The following DNAH11 variants were observed in gnomAD, a reference collection of about 807,000 sequenced individuals.
DNAH11 encodes dynein axonemal heavy chain 11.
In DNAH11, 442 loss-of-function variants were observed where a neutral mutation model predicts 526.0. The observed-to-expected ratio is 0.84, with a 90% confidence interval of 0.78 to 0.91. The LOEUF (loss-of-function observed/expected upper bound fraction) is 0.91, where lower values mean the gene tolerates loss of function less well. Ranked by LOEUF, DNAH11 falls within the 40% of genes least tolerant of loss-of-function variation. The pLI is 0.00. For missense variants in DNAH11, 6,989 were observed against 5,448.7 expected (o/e 1.28, Z -8.90); for synonymous variants, 2,461 against 1,935.9 (o/e 1.27, Z -7.12).
intron 29 of DNAH11, among the ~76,000 whole-genome samples, chr7:21,657,880 C>G (rs917769027): frequency 2.0e-5 from 3 of 152,138 alleles, no homozygotes; most frequent in African/African-American, 7.2e-5. Flanking sequence ...TCACTCCATT[C>G]CAATTCTTCA....
At chr7:21,848,783 T>G (rs185783976) in intron 66 of DNAH11, among the ~76,000 whole-genome samples, 169 of 152,342 alleles carry the variant, frequency 1.1e-3, no homozygotes, top group Middle Eastern at 6.8e-3. Context: ...CAAAATAGAT[T>G]GCTATATGTA....
chr7:21,589,149 A>G (rs554364141), intron 11 of DNAH11, 59 bp from the exon 12 acceptor site: 1 of 1,311,314 alleles, frequency 7.6e-7, no homozygotes, highest in Non-Finnish European at 1.0e-6. Context: ...CTATACAATT[A>G]TTAAGCGGAA....
At chr7:21,702,006 C>G (rs1784083428) in intron 36 of DNAH11, among the ~76,000 whole-genome samples, 2 of 151,898 alleles carry the variant, frequency 1.3e-5, no homozygotes, top group African/African-American at 4.8e-5. Context: ...TGTGCTAGCC[C>G]CAAGAAGACA....
intron 54 of DNAH11, among the ~76,000 whole-genome samples, chr7:21,757,666 C>G (rs952463977): frequency 1.3e-5 from 2 of 152,150 alleles, no homozygotes; most frequent in Admixed American, 6.5e-5. Flanking sequence ...CACGTAGAGA[C>G]AGTAATTCAC....
chr7:21,672,487 G>T (rs1782680911), intron 30 of DNAH11, among the ~76,000 whole-genome samples: 1 of 152,118 alleles, frequency 6.6e-6, no homozygotes, highest in Non-Finnish European at 1.5e-5. Flanking sequence ...GGGTCTTGCT[G>T]TGTTGCCTAG....
At chr7:21,787,281 A>G in intron 59 of DNAH11, 120 bp from the exon 60 acceptor site, 2 of 902,632 alleles carry the variant, frequency 2.2e-6, no homozygotes, top group African/African-American at 1.7e-5. Context: ...AGTAGGATAA[A>G]TGCAGCTTGC....
intron 40 of DNAH11, among the ~76,000 whole-genome samples, chr7:21,710,238 A>G (rs769238604): frequency 6.6e-6 from 1 of 152,174 alleles, no homozygotes; most frequent in South Asian, 2.1e-4. Flanking sequence ...CAGTTGGTGT[A>G]AGTTTTGAGT....
intron 28 of DNAH11, among the ~76,000 whole-genome samples, chr7:21,655,078 C>T (rs994928650): frequency 1.3e-5 from 2 of 150,764 alleles, no homozygotes; most frequent in Non-Finnish European, 2.9e-5. Context: ...CCCCCCCCAC[C>T]CCCAAATTGT....
intron 74 of DNAH11, among the ~76,000 whole-genome samples, chr7:21,875,641 A>G (rs1257384540): frequency 6.6e-6 from 1 of 152,170 alleles, no homozygotes; most frequent in Non-Finnish European, 1.5e-5. Flanking sequence ...AGCCTGGGCA[A>G]CAGAGCGAGA....
At position 21,901,428 on chromosome 7, in the gene DNAH11, G is replaced by T; in HGVS notation, c.*174G>T. 1.1e-6 allele frequency: 1 copy of T among 913,248 alleles called. No individual in the cohort carries two copies. The highest frequency in any genetic ancestry group is 1.5e-6 in the Non-Finnish European group (1 of 671,940). The allele number at this position is 913,248 out of a possible 1,614,324, so 56.6% of individuals were successfully genotyped here. A position where few individuals can be genotyped will look rare whatever the true frequency, so the allele number is the denominator to read the frequency against. ...AAAAAAATACTAGAAACTAACTCAGGGCTGAGCGTGGTGGCACACGACTGT... is the reference window on the plus strand; with the variant it reads ...AAAAAAATACTAGAAACTAACTCAGTGCTGAGCGTGGTGGCACACGACTGT... On this transcript the variant is annotated 3_prime_UTR_variant, in exon 82 of 82. Coordinates refer to ENST00000409508, the MANE Select transcript of DNAH11 (RefSeq NM_001277115.2).
intron 20 of DNAH11, among the ~76,000 whole-genome samples, chr7:21,607,279 A>G (rs751451378): frequency 5.9e-5 from 9 of 152,124 alleles, no homozygotes; most frequent in Non-Finnish European, 5.9e-5. Context: ...GTCCTTCCAC[A>G]TTCCTCTGTC....
At chr7:21,558,769 T>C in intron 2 of DNAH11, 33 bp from the exon 3 acceptor site, 4 of 1,500,818 alleles carry the variant, frequency 2.7e-6, no homozygotes, top group Non-Finnish European at 3.6e-6. Flanking sequence ...GCATTGTCTG[T>C]AAATTAATTT....
At chr7:21,805,205 T>C (rs1215094168) in intron 62 of DNAH11, among the ~76,000 whole-genome samples, 3 of 152,206 alleles carry the variant, frequency 2.0e-5, no homozygotes, top group Admixed American at 1.3e-4. Context: ...CATCTCTATT[T>C]TCTCCACTTG....
rs773945722 is a variant in DNAH11, at chr7:21,744,540, A to C, written c.8257A>C (p.Lys2753Gln). The C allele has an allele frequency of 5.6e-6, 9 of 1,613,420 alleles. No individual in the cohort carries two copies. The South Asian group carries it at 6.6e-5, about 12-fold the overall frequency. Reference sequence around the variant, plus strand: ...TGTTTATGGAGACAAACTGATAGACAAAAAAGATTGTGATTTGTTTCAGAG... The same window carrying C: ...TGTTTATGGAGACAAACTGATAGACCAAAAAGATTGTGATTTGTTTCAGAG... ...ARVYGDKLID[K>Q]KDCDLFQRRM... Residue 2753 changes from lysine (K) to glutamine (Q), a missense_variant, in exon 50 of 82, where the codon AAA becomes CAA. Lys to Gln is a moderately conservative substitution (Grantham distance 53). Coordinates refer to ENST00000409508, the MANE Select transcript of DNAH11 (RefSeq NM_001277115.2).
At chr7:21,567,099 A>G (rs1021144133) in intron 6 of DNAH11, among the ~76,000 whole-genome samples, 1 of 152,190 alleles carries the variant, frequency 6.6e-6, no homozygotes, top group African/African-American at 2.4e-5. Flanking sequence ...ATACTTTCAA[A>G]TTATTTTCTA....
chr7:21,888,698 C>T (rs12534688), intron 76 of DNAH11, among the ~76,000 whole-genome samples: 31,773 of 151,720 alleles, frequency 0.21, 3,482 homozygotes, highest in East Asian at 0.37. Context: ...CCATGTTAGT[C>T]AGGCTGGTCT....
intron 14 of DNAH11, among the ~76,000 whole-genome samples, chr7:21,595,380 C>G (rs990478561): frequency 6.6e-6 from 1 of 152,202 alleles, no homozygotes; most frequent in Non-Finnish European, 1.5e-5. Context: ...GACAGTGGCA[C>G]AGGCACGTAA....
intron 20 of DNAH11, among the ~76,000 whole-genome samples, chr7:21,612,342 T>G (rs969394801): frequency 6.6e-6 from 1 of 151,834 alleles, no homozygotes; most frequent in Non-Finnish European, 1.5e-5. Context: ...GATCACAAGG[T>G]CAGGAGATCG....
At chr7:21,841,820 T>C (rs563053845) in intron 65 of DNAH11, among the ~76,000 whole-genome samples, 2 of 152,318 alleles carry the variant, frequency 1.3e-5, no homozygotes, top group East Asian at 3.9e-4. Context: ...CACTGAACAT[T>C]GCACTACAAA....
Sources: allele counts gnomAD v4.1 joint callset (sites outside exome capture counted in the v4.1 genomes callset), GRCh38; gene constraint gnomAD v4.1.1; transcripts MANE v1.5; gene names NCBI Gene and HGNC (gene_info 2026-07-23, HGNC 2026-07-21).